Variants in DCLK1 observed in about 807,000 individuals in gnomAD.
DCLK1 encodes serine/threonine-protein kinase DCLK1.
In DCLK1, 16 loss-of-function variants were observed where a neutral mutation model predicts 86.2. That is an observed-to-expected ratio of 0.19 (90% confidence interval 0.13 to 0.28). The LOEUF is 0.28. Among genes scored for constraint, DCLK1 ranks in the 10% least tolerant of loss-of-function variants. DCLK1 has a pLI of 1.00. For synonymous variants in DCLK1, 369 were observed against 370.5 expected (o/e 1.00, Z 0.05); for missense variants, 590 against 940.2 (o/e 0.63, Z 4.87).
intron 3 of DCLK1, among the ~76,000 whole-genome samples, chr13:36,027,994 T>C (rs1328242709): frequency 6.6e-6 from 1 of 152,198 alleles, no homozygotes; most frequent in Non-Finnish European, 1.5e-5. Flanking sequence ...CCTCCCAAAG[T>C]GCTGTGATTG....
At chr13:35,926,963 T>A (rs1198247786) in intron 4 of DCLK1, among the ~76,000 whole-genome samples, 1 of 152,222 alleles carries the variant, frequency 6.6e-6, no homozygotes, top group Non-Finnish European at 1.5e-5. Context: ...CATAATGGAA[T>A]GAGCCCTAGA....
intron 4 of DCLK1, among the ~76,000 whole-genome samples, chr13:35,917,953 G>A (rs972722547): frequency 1.3e-5 from 2 of 152,152 alleles, no homozygotes; most frequent in Non-Finnish European, 2.9e-5. Context: ...AGAGCCGCCA[G>A]CTCATGCCCC....
Position 36,131,338 on chromosome 13 carries a change from C to G in DCLK1, c.-244G>C, listed in dbSNP as rs1886356661. 1 of 164,600 alleles carries G rather than the reference C, an allele frequency of 6.1e-6. No homozygotes were observed. 10.2% of individuals were successfully genotyped at this position (164,600 alleles called of 1,614,324 possible). Reference sequence around the variant, plus strand: ...CCGTCCTCATTGAAATGCGGCGCTTCGCACAGCCTCACTCCAGCCTCTCTC... The same window carrying G: ...CCGTCCTCATTGAAATGCGGCGCTTGGCACAGCCTCACTCCAGCCTCTCTC... On this transcript the variant is annotated 5_prime_UTR_variant, in exon 1 of 17. Coordinates refer to ENST00000360631, the MANE Select transcript of DCLK1 (RefSeq NM_001330071.2).
intron 5 of DCLK1, among the ~76,000 whole-genome samples, chr13:35,857,251 G>T (rs1871114077): frequency 6.6e-6 from 1 of 152,172 alleles, no homozygotes; most frequent in African/African-American, 2.4e-5. Flanking sequence ...GATTTTAATT[G>T]TCATCAAACT....
chr13:35,969,999 G>A (rs1878989069), intron 3 of DCLK1, among the ~76,000 whole-genome samples: 1 of 152,118 alleles, frequency 6.6e-6, no homozygotes, highest in Non-Finnish European at 1.5e-5. Context: ...CCAGCCTCCA[G>A]AACTGTGAGA....
chr13:36,017,320 C>T (rs1354805319), intron 3 of DCLK1, among the ~76,000 whole-genome samples: 1 of 152,040 alleles, frequency 6.6e-6, no homozygotes, highest in Non-Finnish European at 1.5e-5. Flanking sequence ...AGGCTAGACA[C>T]AGAAGAACAG....
At chr13:36,032,075 A>G (rs1882301737) in intron 3 of DCLK1, among the ~76,000 whole-genome samples, 1 of 152,192 alleles carries the variant, frequency 6.6e-6, no homozygotes, top group African/African-American at 2.4e-5. Flanking sequence ...TGTCAACTGT[A>G]AATTAGGTAT....
At chr13:35,980,397 G>A (rs1438931883) in intron 3 of DCLK1, among the ~76,000 whole-genome samples, 1 of 152,152 alleles carries the variant, frequency 6.6e-6, no homozygotes, top group African/African-American at 2.4e-5. Context: ...GGGGGTTGCA[G>A]TGAGCAGAGA....
At chr13:36,077,363 A>G (rs1884249050) in intron 3 of DCLK1, among the ~76,000 whole-genome samples, 1 of 152,216 alleles carries the variant, frequency 6.6e-6, no homozygotes, top group Non-Finnish European at 1.5e-5. Context: ...AAAAGTTCTC[A>G]GAAATCTACT....
intron 16 of DCLK1, among the ~76,000 whole-genome samples, chr13:35,775,054 G>A (rs894854927): frequency 6.6e-6 from 1 of 152,136 alleles, no homozygotes. Context: ...GGGTGCCTGA[G>A]TCCTGTGTGT....
At chr13:36,124,802 A>G (rs111943835) in intron 2 of DCLK1, among the ~76,000 whole-genome samples, 3 of 152,270 alleles carry the variant, frequency 2.0e-5, no homozygotes, top group African/African-American at 7.2e-5. Flanking sequence ...TGTGCCATCT[A>G]CTTCTTCATC....
intron 3 of DCLK1, among the ~76,000 whole-genome samples, chr13:36,054,021 C>T (rs1012133022): frequency 2.0e-5 from 3 of 152,168 alleles, no homozygotes; most frequent in Admixed American, 6.5e-5. Context: ...CTCCATGACA[C>T]TTCTACATGT....
At chr13:35,979,144 C>A (rs947699614) in intron 3 of DCLK1, among the ~76,000 whole-genome samples, 1 of 152,176 alleles carries the variant, frequency 6.6e-6, no homozygotes, top group African/African-American at 2.4e-5. Context: ...AAAACAGAAG[C>A]TATGTTTTTG....
chr13:36,101,587 T>C (rs1218065462), intron 3 of DCLK1, among the ~76,000 whole-genome samples: 1 of 152,192 alleles, frequency 6.6e-6, no homozygotes, highest in Non-Finnish European at 1.5e-5. Context: ...GAAACTTAAA[T>C]GTGAATATAC....
intron 3 of DCLK1, among the ~76,000 whole-genome samples, chr13:36,094,719 T>C (rs1424761325): frequency 1.3e-5 from 2 of 152,202 alleles, no homozygotes; most frequent in African/African-American, 2.4e-5. Context: ...ATTTTGAAAA[T>C]GTATTGCTCA....
At chr13:35,962,362 T>C (rs1262785645) in intron 3 of DCLK1, among the ~76,000 whole-genome samples, 1 of 152,122 alleles carries the variant, frequency 6.6e-6, no homozygotes. Context: ...GGCACGTGAA[T>C]ATAAAGGCAG....
chr13:35,960,849 T>C (rs564139740), intron 3 of DCLK1, among the ~76,000 whole-genome samples: 13 of 152,328 alleles, frequency 8.5e-5, no homozygotes, highest in African/African-American at 2.9e-4. Context: ...GACATGATTC[T>C]TTTTTTCTTC....
chr13:35,989,169 C>T (rs1880089684), intron 3 of DCLK1, among the ~76,000 whole-genome samples: 1 of 152,216 alleles, frequency 6.6e-6, no homozygotes, highest in African/African-American at 2.4e-5. Context: ...ACTATCTCCC[C>T]TTTGACAGAC....
chr13:36,107,182 G>C (rs74046733), intron 3 of DCLK1, among the ~76,000 whole-genome samples: 1 of 152,056 alleles, frequency 6.6e-6, no homozygotes, highest in Non-Finnish European at 1.5e-5. Context: ...CAGCTACTGG[G>C]ATGTCCTCAA....
Sources: gnomAD v4.1 joint callset for allele counts (sites outside exome capture counted in the v4.1 genomes callset) on GRCh38, gnomAD v4.1.1 for gene constraint, MANE v1.5 for transcripts, NCBI Gene and HGNC (gene_info 2026-07-23, HGNC 2026-07-21) for gene names.